SPAG9: variants seen among roughly 807,000 people sequenced by gnomAD.
SPAG9 encodes C-Jun-amino-terminal kinase-interacting protein 4.
In SPAG9, 35 loss-of-function variants were observed where a neutral mutation model predicts 166.5. That is an observed-to-expected ratio of 0.21 (90% CI 0.16 to 0.28). The LOEUF (loss-of-function observed/expected upper bound fraction) is 0.28. Among genes scored for constraint, SPAG9 ranks in the 10% least tolerant of loss-of-function variants. The pLI, the probability that SPAG9 is intolerant of heterozygous loss-of-function variation, is 1.00. For synonymous variants in SPAG9, 534 were observed against 565.5 expected (o/e 0.94, Z 0.79); for missense variants, 1,235 against 1,603.3 (o/e 0.77, Z 3.92).
intron 15 of SPAG9, among the ~76,000 whole-genome samples, chr17:50,997,374 A>G (rs180946689): frequency 6.6e-6 from 1 of 152,342 alleles, no homozygotes; most frequent in African/African-American, 2.4e-5. Context: ...TTTACTGAGA[A>G]TATCCTAATG....
intron 25 of SPAG9, among the ~76,000 whole-genome samples, chr17:50,980,618 A>G (rs757656582): frequency 7.9e-5 from 12 of 151,478 alleles, no homozygotes; most frequent in Non-Finnish European, 1.2e-4. Flanking sequence ...CTGTAATCCC[A>G]GCACTTTGGA....
chr17:51,015,265 C>T (rs1490078684), intron 8 of SPAG9, among the ~76,000 whole-genome samples: 3 of 151,922 alleles, frequency 2.0e-5, no homozygotes, highest in Non-Finnish European at 4.4e-5. Flanking sequence ...CCCTGAAAGG[C>T]CTAGGACTTG....
intron 5 of SPAG9, among the ~76,000 whole-genome samples, chr17:51,036,153 T>G (rs191759388): frequency 1.3e-5 from 2 of 152,286 alleles, no homozygotes; most frequent in Admixed American, 1.3e-4. Context: ...CTTGTAAGCA[T>G]AGCAACAACC....
At chr17:51,061,661 A>G (rs1173038419) in intron 2 of SPAG9, among the ~76,000 whole-genome samples, 1 of 151,336 alleles carries the variant, frequency 6.6e-6, no homozygotes, top group Non-Finnish European at 1.5e-5. Context: ...GAGACATATA[A>G]CAGAATATAC....
At chr17:51,099,761 A>T (rs923049450) in intron 1 of SPAG9, among the ~76,000 whole-genome samples, 2 of 109,446 alleles carry the variant, frequency 1.8e-5, no homozygotes, top group African/African-American at 9.1e-5. Flanking sequence ...TCTATTACTA[A>T]AAAAAAAAAA....
rs373004587 is a variant in SPAG9, at chr17:50,964,587, C to CA, written c.*1684dup. On this transcript the variant is annotated 3_prime_UTR_variant, in exon 30 of 30. Coordinates refer to ENST00000262013, the MANE Select transcript of SPAG9 (RefSeq NM_001130528.3). Reference sequence around the variant, plus strand: ...TGGGCAACAGAGCCAGACTCCGTCTCAAAAAAAAAAAAAAAAATCATATTT... The same window carrying CA: ...TGGGCAACAGAGCCAGACTCCGTCTCAAAAAAAAAAAAAAAAAATCATATTT... The CA allele has an allele frequency of 0.44, 77,253 of 177,226 alleles. 14,330 individuals are homozygous for CA. Among genetic ancestry groups the CA allele is most frequent in the African/African-American group, 0.6 (18,360 of 30,432 alleles). The allele number at this position is 177,226 out of a possible 1,614,324, so 11.0% of individuals were successfully genotyped here.
At chr17:50,978,453 A>C (rs1974347737) in intron 26 of SPAG9, among the ~76,000 whole-genome samples, 1 of 152,210 alleles carries the variant, frequency 6.6e-6, no homozygotes, top group Non-Finnish European at 1.5e-5. Context: ...CCTTTATGAC[A>C]TTTCTAATAA....
chr17:51,007,537 G>T (rs2045278053), intron 9 of SPAG9, among the ~76,000 whole-genome samples: 1 of 151,994 alleles, frequency 6.6e-6, no homozygotes, highest in Non-Finnish European at 1.5e-5. Flanking sequence ...TAAAGATTTT[G>T]TTGGCCTATT....
chr17:51,017,068 G>T (rs2045728762), intron 8 of SPAG9, among the ~76,000 whole-genome samples: 1 of 152,106 alleles, frequency 6.6e-6, no homozygotes, highest in African/African-American at 2.4e-5. Context: ...GGTGGTTTAG[G>T]CATTATATCC....
intron 9 of SPAG9, among the ~76,000 whole-genome samples, chr17:51,011,178 T>G (rs560055141): frequency 6.6e-6 from 1 of 152,100 alleles, no homozygotes; most frequent in South Asian, 2.1e-4. Context: ...AGAAAAAGGT[T>G]GCGCTGGCGT....
At chr17:51,082,813 TTTTG>T (rs1263382846) in intron 1 of SPAG9, among the ~76,000 whole-genome samples, 5 of 152,182 alleles carry the variant, frequency 3.3e-5, no homozygotes, top group Non-Finnish European at 7.3e-5. Flanking sequence ...GGGTTTTTGT[TTTTG>T]TTTTTTTGTC....
intron 19 of SPAG9, among the ~76,000 whole-genome samples, chr17:50,992,905 G>A (rs1324777984): frequency 6.6e-6 from 1 of 151,734 alleles, no homozygotes; most frequent in African/African-American, 2.4e-5. Context: ...AGACCAACCT[G>A]GCCAATATGG....
Position 51,083,423 on chromosome 17 carries a change from G to A in SPAG9, c.304-3719C>T, listed in dbSNP as rs1357987036. On this transcript the variant is annotated intron_variant, in intron 1 of 29. Coordinates refer to ENST00000262013, the MANE Select transcript of SPAG9 (RefSeq NM_001130528.3). Reference sequence around the variant, plus strand: ...CTAATTTTTGTATATTTTTGGTAGAGACGGGGTTTCACCATGTTGGCCGGG... The same window carrying A: ...CTAATTTTTGTATATTTTTGGTAGAAACGGGGTTTCACCATGTTGGCCGGG... Among the ~76,000 whole-genome samples, 6 of 151,534 alleles carry A rather than the reference G, an allele frequency of 4.0e-5. No individual in the cohort carries two copies. The East Asian group carries it at 1.2e-3, about 29-fold the overall frequency.
At chr17:51,060,804 G>C (rs1220651859) in intron 2 of SPAG9, among the ~76,000 whole-genome samples, 1 of 151,068 alleles carries the variant, frequency 6.6e-6, no homozygotes, top group Non-Finnish European at 1.5e-5. Context: ...GGCCCTAGCT[G>C]ACTTATACCA....
intron 12 of SPAG9, among the ~76,000 whole-genome samples, chr17:51,002,848 T>C (rs950867674): frequency 5.3e-5 from 8 of 152,022 alleles, no homozygotes; most frequent in African/African-American, 7.2e-5. Context: ...CCTAGCACTT[T>C]GGGAGTATCA....
At chr17:50,986,718 TG>T (rs1200033357) in intron 22 of SPAG9, among the ~76,000 whole-genome samples, 1 of 152,204 alleles carries the variant, frequency 6.6e-6, no homozygotes, top group Non-Finnish European at 1.5e-5. Context: ...CACTAAAAGT[TG>T]GGATTGGGCC....
chr17:51,082,354 T>C (rs1275181187), intron 1 of SPAG9, among the ~76,000 whole-genome samples: 1 of 117,310 alleles, frequency 8.5e-6, no homozygotes, highest in African/African-American at 3.4e-5. Context: ...CATTCTGGCC[T>C]GGGCAACAGA....
Position 50,981,524 on chromosome 17 carries a change from AGAT to A in SPAG9, c.3237+997_3237+999del, listed in dbSNP as rs1488102546. On this transcript the variant is annotated intron_variant, in intron 25 of 29. Transcript: ENST00000262013. Reference sequence around the variant, plus strand: ...TAGATAGATAGATAGATAGATAGATAGATAGAAAGAAAGAAAGAAAGAATAGAT... The same window carrying A: ...TAGATAGATAGATAGATAGATAGATAAGAAAGAAAGAAAGAAAGAATAGAT... Among the ~76,000 whole-genome samples the A allele has an allele frequency of 5.6e-3, 842 of 149,036 alleles. 5 individuals carry two copies. The highest frequency in any genetic ancestry group is 0.016 in the African/African-American group (650 of 40,884).
chr17:51,000,805 G>GT (rs2044912300), intron 13 of SPAG9, among the ~76,000 whole-genome samples: 1 of 151,870 alleles, frequency 6.6e-6, no homozygotes, highest in Non-Finnish European at 1.5e-5. Context: ...TCCACTTTCA[G>GT]TTTTTTGAAT....
Sources: gnomAD v4.1 joint callset for allele counts (sites outside exome capture counted in the v4.1 genomes callset) on GRCh38, gnomAD v4.1.1 for gene constraint, MANE v1.5 for transcripts, NCBI Gene and HGNC (gene_info 2026-07-23, HGNC 2026-07-21) for gene names.